The following LPP variants were observed in gnomAD, a reference collection of about 807,000 sequenced individuals.
LPP encodes the protein LIM domain containing preferred translocation partner in lipoma.
In LPP, 38 loss-of-function variants were observed where a neutral mutation model predicts 60.4. That is an observed-to-expected ratio of 0.63 (90% CI 0.49 to 0.83). The LOEUF is 0.83. Ranked by LOEUF, LPP falls within the 40% of genes least tolerant of loss-of-function variation. The probability of loss-of-function intolerance (pLI) is 0.00; values close to 1 mark genes in which losing one functional copy is unlikely to be tolerated. For missense variants in LPP, 902 were observed against 783.6 expected (o/e 1.15, Z -1.80); for synonymous variants, 328 against 290.8 (o/e 1.13, Z -1.30).
chr3:188,304,036 G>A (rs899766839), intron 2 of LPP, among the ~76,000 whole-genome samples: 7 of 152,102 alleles, frequency 4.6e-5, no homozygotes, highest in African/African-American at 7.2e-5. Context: ...GTCTTCATAC[G>A]TCCCCTGTTG....
intron 9 of LPP, among the ~76,000 whole-genome samples, chr3:188,772,818 T>TG (rs1332526102): frequency 3.3e-5 from 5 of 151,920 alleles, no homozygotes; most frequent in Admixed American, 3.3e-4. Flanking sequence ...GAGGGGGATT[T>TG]GGGGGGAGCC....
intron 4 of LPP, among the ~76,000 whole-genome samples, chr3:188,433,284 G>C (rs999821829): frequency 6.6e-6 from 1 of 151,950 alleles, no homozygotes; most frequent in African/African-American, 2.4e-5. Flanking sequence ...CTTTGTCCCT[G>C]TGTGAAAAAT....
At chr3:188,741,818 G>C (rs192257187) in intron 8 of LPP, among the ~76,000 whole-genome samples, 1 of 151,868 alleles carries the variant, frequency 6.6e-6, no homozygotes, top group Non-Finnish European at 1.5e-5. Context: ...TCTAAAACTT[G>C]TTTTTTAAAA....
intron 9 of LPP, among the ~76,000 whole-genome samples, chr3:188,820,402 TA>T (rs1753653690): frequency 6.6e-6 from 1 of 152,148 alleles, no homozygotes; most frequent in African/African-American, 2.4e-5. Flanking sequence ...CTTTGGAAGT[TA>T]TCACTAAAAA....
intron 9 of LPP, among the ~76,000 whole-genome samples, chr3:188,800,279 T>C (rs1161602989): frequency 7.4e-6 from 1 of 134,644 alleles, no homozygotes; most frequent in African/African-American, 2.8e-5. Flanking sequence ...GGAGTCTCGC[T>C]CTGTCGCTCA....
At chr3:188,623,047 A>G (rs1165266774) in intron 7 of LPP, among the ~76,000 whole-genome samples, 1 of 47,296 alleles carries the variant, frequency 2.1e-5, no homozygotes, top group Non-Finnish European at 4.3e-5. Context: ...AAAAAAAAAA[A>G]GAGAGAGCTA....
At chr3:188,241,184 G>T (rs1724600678) in intron 2 of LPP, among the ~76,000 whole-genome samples, 1 of 152,180 alleles carries the variant, frequency 6.6e-6, no homozygotes, top group Non-Finnish European at 1.5e-5. Flanking sequence ...AAGGTGGTGG[G>T]TATGGATAGA....
intron 2 of LPP, among the ~76,000 whole-genome samples, chr3:188,327,609 AT>A (rs996520399): frequency 6.6e-6 from 1 of 152,070 alleles, no homozygotes; most frequent in East Asian, 1.9e-4. Flanking sequence ...CACAGTGAGT[AT>A]TTTTTTTACT....
chr3:188,672,775 T>G (rs1209868255), intron 7 of LPP, among the ~76,000 whole-genome samples: 1 of 152,206 alleles, frequency 6.6e-6, no homozygotes, highest in Admixed American at 6.5e-5. Context: ...TGACAACACC[T>G]TTTAGAGTTG....
intron 11 of LPP, among the ~76,000 whole-genome samples, chr3:188,873,443 T>C (rs1362339914): frequency 6.6e-6 from 1 of 152,214 alleles, no homozygotes; most frequent in Non-Finnish European, 1.5e-5. Context: ...GATGAAGTAC[T>C]ATGTATTTAT....
At chr3:188,342,949 ATTAT>A (rs1262509948) in intron 3 of LPP, among the ~76,000 whole-genome samples, 3 of 152,138 alleles carry the variant, frequency 2.0e-5, no homozygotes, top group Admixed American at 6.5e-5. Context: ...TATTTTTATT[ATTAT>A]TTATTTATTT....
chr3:188,555,915 T>C (rs746508173), intron 6 of LPP, among the ~76,000 whole-genome samples: 1 of 152,062 alleles, frequency 6.6e-6, no homozygotes, highest in Admixed American at 6.6e-5. Context: ...GAGGAAGCCA[T>C]GAATATTTTG....
At chr3:188,190,560 G>T (rs1160459098) in intron 1 of LPP, among the ~76,000 whole-genome samples, 3 of 152,208 alleles carry the variant, frequency 2.0e-5, no homozygotes, top group African/African-American at 4.8e-5. Context: ...AAAGTCCATG[G>T]TCTCATAAGT....
chr3:188,374,455 A>G (rs1238954845), intron 3 of LPP, among the ~76,000 whole-genome samples: 3 of 151,912 alleles, frequency 2.0e-5, no homozygotes, highest in Non-Finnish European at 4.4e-5. Flanking sequence ...TAGGTATTTT[A>G]TTCTCTTTGA....
intron 9 of LPP, among the ~76,000 whole-genome samples, chr3:188,844,687 A>G (rs1270440907): frequency 6.6e-6 from 1 of 152,210 alleles, no homozygotes; most frequent in Non-Finnish European, 1.5e-5. Flanking sequence ...ATCTCTTTGG[A>G]CATATGCTTT....
At chr3:188,654,891 A>G (rs1314278707) in intron 7 of LPP, among the ~76,000 whole-genome samples, 1 of 152,212 alleles carries the variant, frequency 6.6e-6, no homozygotes, top group Non-Finnish European at 1.5e-5. Flanking sequence ...GAAGGAAACA[A>G]TCCTAATCAT....
At chr3:188,476,531 C>G (rs1803273543) in intron 4 of LPP, among the ~76,000 whole-genome samples, 1 of 152,192 alleles carries the variant, frequency 6.6e-6, no homozygotes, top group Non-Finnish European at 1.5e-5. Context: ...TTTGATTCCT[C>G]TTGCCAAATT....
At chr3:188,731,179 G>GTCCTGGGA (rs1720331088) in intron 8 of LPP, among the ~76,000 whole-genome samples, 1 of 152,150 alleles carries the variant, frequency 6.6e-6, no homozygotes, top group Non-Finnish European at 1.5e-5. Flanking sequence ...TGATCTTCTA[G>GTCCTGGGA]ACATAACAAT....
At chr3:188,782,827 C>A (rs965196040) in intron 9 of LPP, among the ~76,000 whole-genome samples, 18 of 152,036 alleles carry the variant, frequency 1.2e-4, no homozygotes, top group African/African-American at 4.3e-4. Flanking sequence ...CACCCACAGC[C>A]TACATTCTTA....
Sources: allele counts gnomAD v4.1 joint callset (sites outside exome capture counted in the v4.1 genomes callset), GRCh38; gene constraint gnomAD v4.1.1; transcripts MANE v1.5; gene names NCBI Gene and HGNC (gene_info 2026-07-23, HGNC 2026-07-21).